Variants in RNF20 observed in about 807,000 individuals in gnomAD.
The protein encoded by RNF20 is ring finger protein 20.
A neutral mutation model predicts 126.2 loss-of-function variants in RNF20; 84 were observed. The ratio of observed to expected loss-of-function variants is 0.67; its 90% confidence interval spans 0.56 to 0.80. The LOEUF is 0.80. Among genes scored for constraint, RNF20 ranks in the 30% least tolerant of loss-of-function variants. RNF20 has a pLI of 0.00. For missense variants in RNF20, 869 were observed against 1,188.2 expected (o/e 0.73, Z 3.95); for synonymous variants, 400 against 414.3 (o/e 0.97, Z 0.42).
chr9:101,535,467 C>T lies in RNF20; in HGVS notation c.44C>T (p.Thr15Ile), dbSNP rs1255178569. 3.1e-6 allele frequency: 5 copies of T among 1,613,930 alleles called. No homozygotes were observed. The highest frequency in any genetic ancestry group is 4.2e-6 in the Non-Finnish European group (5 of 1,179,880). ...AAAAGAGCAGCTGGAGAACCTGGCACCTCCATGCCTCCTGAGAAGAAGGCA... is the reference window on the plus strand; with the variant it reads ...AAAAGAGCAGCTGGAGAACCTGGCATCTCCATGCCTCCTGAGAAGAAGGCA... Reference protein sequence around the residue: ...GNKRAAGEPGTSMPPEKKAAV... With the variant: ...GNKRAAGEPGISMPPEKKAAV... The change falls in exon 2 of 20, where the codon ACC becomes ATC. Residue 15 changes from threonine to isoleucine, a missense_variant. Thr to Ile is a moderately conservative substitution (Grantham distance 89, BLOSUM62 -1). Transcript: ENST00000389120.
intron 9 of RNF20, 73 bp from the exon 10 acceptor site, chr9:101,550,533 A>G: frequency 7.3e-7 from 1 of 1,362,584 alleles, no homozygotes; most frequent in South Asian, 1.3e-5. Context: ...AGTGAGTTCA[A>G]AATTTTACTT....
chr9:101,550,893 T>TA, intron 10 of RNF20, 108 bp downstream of exon 10: 1 of 1,029,672 alleles, frequency 9.7e-7, no homozygotes, highest in Non-Finnish European at 1.5e-6. Context: ...CTGTCATTCA[T>TA]AGAGTGGCAG....
chr9:101,547,104 T>G (rs1214470823), intron 7 of RNF20, 33 bp from the exon 8 acceptor site: 1 of 1,608,860 alleles, frequency 6.2e-7, no homozygotes, highest in African/African-American at 1.3e-5. Flanking sequence ...ATCTTAAGAG[T>G]CTCTCACTAA....
At chr9:101,549,398 T>G (rs1029738720) in intron 9 of RNF20, among the ~76,000 whole-genome samples, 5 of 152,140 alleles carry the variant, frequency 3.3e-5, no homozygotes, top group African/African-American at 1.2e-4. Flanking sequence ...TTTAATACTT[T>G]CACTAATTTG....
rs78555934 is a variant in RNF20 at position 101,561,177 on chromosome 9, G to T, written c.2596G>T (p.Val866Leu). ...GCTACATGATTTTCAGGATGAGATC[G>T]TGGAGAACAGTGTTACCAAAGAAAA... Reference protein sequence around the residue: ...KKLHDFQDEIVENSVTKEKDM... With the variant: ...KKLHDFQDEILENSVTKEKDM... Residue 866 changes from valine (V) to leucine (L), a missense_variant, in exon 18 of 20, where the codon GTG becomes TTG. Val to Leu is a conservative substitution (Grantham distance 32). Transcript: ENST00000389120. 7 of 1,613,798 alleles carry T rather than the reference G, an allele frequency of 4.3e-6. No individual in the cohort carries two copies. The East Asian group carries it at 6.7e-5, about 15-fold the overall frequency.
chr9:101,550,165 A>C (rs4742818), intron 9 of RNF20, among the ~76,000 whole-genome samples: 22,536 of 152,256 alleles, frequency 0.15, 2,255 homozygotes, highest in East Asian at 0.36. Context: ...CCTAAGTTAA[A>C]TCAGTTAAAA....
chr9:101,561,828 A>C (rs1243309633), intron 18 of RNF20, 82 bp from the exon 19 acceptor site: 6 of 932,134 alleles, frequency 6.4e-6, no homozygotes, highest in Non-Finnish European at 1.1e-5. Flanking sequence ...TCTTTTCACA[A>C]CAGAAAACTC....
intron 15 of RNF20, among the ~76,000 whole-genome samples, chr9:101,556,724 C>T (rs192501328): frequency 2.7e-4 from 41 of 152,146 alleles, no homozygotes; most frequent in Non-Finnish European, 5.3e-4. Context: ...GCAAAAAACA[C>T]TGTTAGCAAA....
chr9:101,534,022 C>T (rs923163248), intron 1 of RNF20, 108 bp downstream of exon 1: 1 of 152,288 alleles, frequency 6.6e-6, no homozygotes, highest in South Asian at 2.1e-4. Context: ...GGAGTCTCCA[C>T]CCTCTCCAGT....
chr9:101,559,885 C>T (rs1827598441), intron 16 of RNF20, among the ~76,000 whole-genome samples: 1 of 152,062 alleles, frequency 6.6e-6, no homozygotes, highest in African/African-American at 2.4e-5. Flanking sequence ...AATTTGGATG[C>T]CTTTTATTTC....
chr9:101,546,790 T>C (rs926773836), intron 6 of RNF20, 30 bp from the exon 7 acceptor site: 1 of 1,613,074 alleles, frequency 6.2e-7, no homozygotes, highest in Non-Finnish European at 8.5e-7. Flanking sequence ...TTTTGCTATA[T>C]GTTTCTGAAT....
rs563338929 is a variant in RNF20 at position 101,556,708 on chromosome 9, T to G, written c.2170-676T>G. Among the ~76,000 whole-genome samples the G allele has an allele frequency of 2.6e-5, 4 of 152,264 alleles. No homozygotes were observed. In the East Asian group the frequency reaches 7.7e-4, roughly 29 times the overall value. The stretch of plus-strand genomic sequence containing the variant: ...ATTTTTTAAAATGATGCAAAACTTC[T>G]ACACTGCAAAAAACACTGTTAGCAA... On this transcript the variant is annotated intron_variant, in intron 15 of 19. Transcript: ENST00000389120.
At position 101,552,465 on chromosome 9, in the gene RNF20, C is replaced by T; in HGVS notation, c.1613C>T (p.Pro538Leu). Residue 538 changes from proline (P) to leucine (L), a missense_variant, in exon 13 of 20, where the codon CCA (proline) becomes CTA (leucine). Pro to Leu is a moderately conservative substitution (Grantham distance 98). Coordinates refer to ENST00000389120, the MANE Select transcript of RNF20 (RefSeq NM_019592.7). Reference sequence around the variant, plus strand: ...AAGGATGAGCCTGCGGAGCTAAAACCAGATTCTGAGGACTTATCCTCCCAG... The same window carrying T: ...AAGGATGAGCCTGCGGAGCTAAAACTAGATTCTGAGGACTTATCCTCCCAG... ...DPKDEPAELK[P>L]DSEDLSSQSS... The T allele has an allele frequency of 1.2e-6, 2 of 1,613,644 alleles. No individual in the cohort carries two copies. Among genetic ancestry groups the T allele is most frequent in the South Asian group, 2.2e-5 (2 of 91,066 alleles).
At chr9:101,542,558 C>A (rs1827276630) in intron 5 of RNF20, among the ~76,000 whole-genome samples, 1 of 152,154 alleles carries the variant, frequency 6.6e-6, no homozygotes, top group Non-Finnish European at 1.5e-5. Context: ...ATGTGAACCT[C>A]CCTGTCACCT....
intron 1 of RNF20, among the ~76,000 whole-genome samples, chr9:101,535,189 G>A: frequency 6.6e-6 from 1 of 151,510 alleles, no homozygotes; most frequent in Non-Finnish European, 1.5e-5. Context: ...TTACAGACAT[G>A]AGCCACCGCG....
chr9:101,548,209 A>G (rs1420775952), intron 9 of RNF20, among the ~76,000 whole-genome samples: 1 of 152,196 alleles, frequency 6.6e-6, no homozygotes, highest in East Asian at 1.9e-4. Context: ...AGAGGACATT[A>G]TGCTAACTGA....
chr9:101,539,376 A>T (rs1208979422), intron 2 of RNF20, among the ~76,000 whole-genome samples: 3 of 152,202 alleles, frequency 2.0e-5, no homozygotes, highest in African/African-American at 7.2e-5. Flanking sequence ...GTTTGTTGAC[A>T]GAGATAGAAT....
rs536029882 is a variant in RNF20 at position 101,537,541 on chromosome 9, A to G, written c.129+1989A>G. ...GTATATTTGGGAATCGTCATTTTGT[A>G]AGTTGTGTTTACATCTATGAGACTA... On this transcript the variant is annotated intron_variant, in intron 2 of 19. Coordinates refer to ENST00000389120, the MANE Select transcript of RNF20 (RefSeq NM_019592.7). Among the ~76,000 whole-genome samples the G allele has an allele frequency of 4.5e-4, 69 of 152,296 alleles. 1 individual carries two copies. Among genetic ancestry groups the G allele is most frequent in the African/African-American group, 1.6e-3 (65 of 41,556 alleles).
intron 15 of RNF20, among the ~76,000 whole-genome samples, 173 bp downstream of exon 15, chr9:101,555,016 ATTTTG>A (rs2118727033): frequency 6.6e-6 from 1 of 151,534 alleles, no homozygotes; most frequent in African/African-American, 2.4e-5. Flanking sequence ...TCTTTCTGTT[ATTTTG>A]TTTTGTGTAT....
Sources: allele counts gnomAD v4.1 joint callset (sites outside exome capture counted in the v4.1 genomes callset), GRCh38; gene constraint gnomAD v4.1.1; transcripts MANE v1.5; gene names NCBI Gene and HGNC (gene_info 2026-07-23, HGNC 2026-07-21).